Variants in XDH observed in about 807,000 individuals in gnomAD.
XDH encodes xanthine dehydrogenase.
In XDH, 138 loss-of-function variants were observed where a neutral mutation model predicts 156.1. The ratio of observed to expected loss-of-function variants is 0.88; its 90% CI spans 0.77 to 1.02. The LOEUF (loss-of-function observed/expected upper bound fraction) is 1.02. XDH is among the 50% of genes least tolerant of loss of function. XDH has a pLI of 0.00. For missense variants in XDH, 1,849 were observed against 1,684.9 expected, an observed-to-expected ratio of 1.10 and a Z score of -1.71; for synonymous variants, 669 against 625.7, an observed-to-expected ratio of 1.07 and a Z score of -1.03.
intron 1 of XDH, among the ~76,000 whole-genome samples, chr2:31,412,803 T>TTTCACATAATTACTTTCTGCATTGCC (rs1687378119): frequency 6.6e-6 from 1 of 152,212 alleles, no homozygotes; most frequent in East Asian, 1.9e-4. Flanking sequence ...ACAGCATTGC[T>TTTCACATAATTACTTTCTGCATTGCC]TTCACATAAT....
chr2:31,361,389 C>A (rs1685772798), intron 24 of XDH, among the ~76,000 whole-genome samples: 1 of 152,202 alleles, frequency 6.6e-6, no homozygotes, highest in Admixed American at 6.5e-5. Flanking sequence ...TTTATTCCAA[C>A]ATTAATTTAT....
intron 3 of XDH, among the ~76,000 whole-genome samples, 188 bp downstream of exon 3, chr2:31,402,860 A>G (rs1404912879): frequency 6.6e-6 from 1 of 152,178 alleles, no homozygotes; most frequent in African/African-American, 2.4e-5. Context: ...GAGCCTGGTC[A>G]ATATTATAAG....
chr2:31,412,656 T>C (rs1687374775), intron 1 of XDH, among the ~76,000 whole-genome samples: 1 of 152,160 alleles, frequency 6.6e-6, no homozygotes, highest in African/African-American at 2.4e-5. Context: ...GTCACTAAGT[T>C]CTTACAGCTT....
At chr2:31,375,083 T>C (rs528909537) in intron 15 of XDH, among the ~76,000 whole-genome samples, 42 of 136,878 alleles carry the variant, frequency 3.1e-4, no homozygotes, top group Middle Eastern at 4.2e-3. Context: ...TAGAGTGCAA[T>C]GGCATGATCT....
At chr2:31,395,965 G>T (rs75101740) in intron 6 of XDH, among the ~76,000 whole-genome samples, 11 of 152,174 alleles carry the variant, frequency 7.2e-5, no homozygotes, top group African/African-American at 1.9e-4. Flanking sequence ...GTCACTTCTC[G>T]CCGTGAGCAG....
rs535729459 is a variant in XDH at position 31,355,015 on chromosome 2, A to C, written c.2632-4792T>G. ...TTAAACTTCTGAAAACTAAAGACAA[A>C]GGAAAAATCTTGAAAGCACCCAGAG... is the stretch of plus-strand genomic sequence containing the variant. On this transcript the variant is annotated intron_variant, in intron 24 of 35. Coordinates refer to ENST00000379416, the MANE Select transcript of XDH (RefSeq NM_000379.4). 7.2e-5 allele frequency among the ~76,000 whole-genome samples: 11 copies of C among 152,294 alleles called. No individual in the cohort carries two copies. In the South Asian group the frequency reaches 2.3e-3, roughly 32 times the overall value.
At chr2:31,383,612 C>T in intron 10 of XDH, 143 bp downstream of exon 10, 1 of 803,152 alleles carries the variant, frequency 1.2e-6, no homozygotes, top group Non-Finnish European at 2.1e-6. Context: ...CTCCTCCCGC[C>T]TTTCCCTGTG....
intron 22 of XDH, 144 bp downstream of exon 22, chr2:31,365,832 A>C: frequency 7.1e-7 from 1 of 1,400,050 alleles, no homozygotes; most frequent in Non-Finnish European, 9.8e-7. Flanking sequence ...ACTATGCCCA[A>C]GGGTTCTAAA....
chr2:31,365,962 G>C lies in XDH; in HGVS notation c.2456+14C>G. Reference sequence around the variant, plus strand: ...TCCCAGAGCCAGATGGGAGAAACAGGCTTTGGAACTCACTTATATGCAGCC... The same window carrying C: ...TCCCAGAGCCAGATGGGAGAAACAGCCTTTGGAACTCACTTATATGCAGCC... On this transcript the variant is annotated intron_variant, in intron 22 of 35. Coordinates refer to ENST00000379416, the MANE Select transcript of XDH (RefSeq NM_000379.4). 1.2e-6 allele frequency: 2 copies of C among 1,614,142 alleles called. No individual in the cohort carries two copies. Among genetic ancestry groups the C allele is most frequent in the Non-Finnish European group, 1.7e-6 (2 of 1,180,018 alleles).
intron 34 of XDH, 116 bp downstream of exon 34, chr2:31,339,373 C>T (rs1685058561): frequency 7.1e-7 from 1 of 1,400,568 alleles, no homozygotes; most frequent in Non-Finnish European, 1.0e-6. Flanking sequence ...CATCTTCCCT[C>T]CTCAAGATAT....
intron 3 of XDH, among the ~76,000 whole-genome samples, chr2:31,401,676 G>A (rs1340602903): frequency 1.3e-5 from 2 of 152,198 alleles, no homozygotes; most frequent in African/African-American, 4.8e-5. Flanking sequence ...TCTCTGGCAG[G>A]CTGCAGCCTT....
At chr2:31,412,831 C>A (rs1294880120) in intron 1 of XDH, among the ~76,000 whole-genome samples, 1 of 152,170 alleles carries the variant, frequency 6.6e-6, no homozygotes, top group Non-Finnish European at 1.5e-5. Flanking sequence ...TGCATTGCCC[C>A]TCTACCTTTC....
At chr2:31,371,671 CT>C (rs58914810) in intron 17 of XDH, among the ~76,000 whole-genome samples, 14 of 149,758 alleles carry the variant, frequency 9.3e-5, no homozygotes, top group African/African-American at 1.7e-4. Context: ...AACTTAAACA[CT>C]TTTTTTTTTG....
chr2:31,375,233 A>T, intron 15 of XDH, 147 bp downstream of exon 15: 1 of 1,112,126 alleles, frequency 9.0e-7, no homozygotes, highest in Admixed American at 1.7e-5. Flanking sequence ...GGTCACTCCC[A>T]TTTCCAAGAT....
intron 34 of XDH, among the ~76,000 whole-genome samples, chr2:31,339,255 G>T (rs1381581450): frequency 6.6e-6 from 1 of 152,160 alleles, no homozygotes; most frequent in African/African-American, 2.4e-5. Context: ...TTCACCCAAA[G>T]AAGTGGGCTT....
At chr2:31,380,609 G>A (rs45444799) in intron 12 of XDH, among the ~76,000 whole-genome samples, 1,684 of 152,330 alleles carry the variant, frequency 0.011, 40 homozygotes, top group African/African-American at 0.039. Flanking sequence ...TATTGCTGGA[G>A]GAATTAAGCA....
At chr2:31,407,448 G>C (rs551015968) in intron 1 of XDH, among the ~76,000 whole-genome samples, 1 of 152,278 alleles carries the variant, frequency 6.6e-6, no homozygotes, top group Admixed American at 6.5e-5. Context: ...ATACAGGATA[G>C]AGCATTCAAT....
intron 15 of XDH, among the ~76,000 whole-genome samples, chr2:31,375,023 C>CTTTCTTTTTT (rs765524563): frequency 3.2e-5 from 3 of 92,350 alleles, no homozygotes; most frequent in South Asian, 3.7e-4. Context: ...TTCTTTCTTT[C>CTTTCTTTTTT]TTTTTTTTTT....
At chr2:31,374,054 C>T in intron 15 of XDH, 98 bp from the exon 16 acceptor site, 1 of 1,237,592 alleles carries the variant, frequency 8.1e-7, no homozygotes, top group Non-Finnish European at 1.2e-6. Context: ...TAACTGATCC[C>T]CTTGTCTCTT....
Sources: allele counts gnomAD v4.1 joint callset (sites outside exome capture counted in the v4.1 genomes callset), GRCh38; gene constraint gnomAD v4.1.1; transcripts MANE v1.5; gene names NCBI Gene and HGNC (gene_info 2026-07-23, HGNC 2026-07-21).